The following ERC1 variants were observed in gnomAD, a reference collection of about 807,000 sequenced individuals.
ERC1 encodes RAB6 interacting protein 2.
In ERC1, 56 loss-of-function variants were observed where a neutral mutation model predicts 132.0. The ratio of observed to expected loss-of-function variants is 0.42; its 90% CI spans 0.34 to 0.53. ERC1 has a LOEUF of 0.53. Ranked by LOEUF, ERC1 falls within the 20% of genes least tolerant of loss-of-function variation. ERC1 has a pLI of 0.03. For missense variants in ERC1, 1,202 were observed against 1,349.9 expected (o/e 0.89, Z 1.72); for synonymous variants, 478 against 476.1 (o/e 1.00, Z -0.05).
chr12:1,138,684 G>A (rs1949590594), intron 7 of ERC1, among the ~76,000 whole-genome samples: 1 of 152,066 alleles, frequency 6.6e-6, no homozygotes, highest in Non-Finnish European at 1.5e-5. Context: ...AAGAAGGAAA[G>A]TATAGTATTT....
intron 16 of ERC1, among the ~76,000 whole-genome samples, chr12:1,399,480 A>G (rs1389005385): frequency 6.6e-6 from 1 of 152,174 alleles, no homozygotes; most frequent in Non-Finnish European, 1.5e-5. Context: ...CGCTTTTTAT[A>G]TATTAAATAC....
intron 3 of ERC1, among the ~76,000 whole-genome samples, chr12:1,093,907 A>G (rs1014605360): frequency 7.2e-6 from 1 of 139,440 alleles, no homozygotes; most frequent in Non-Finnish European, 1.5e-5. Flanking sequence ...ATAAATATAT[A>G]TTTTTCTATA....
intron 2 of ERC1, among the ~76,000 whole-genome samples, chr12:1,053,995 CA>C (rs1418762901): frequency 6.6e-6 from 1 of 151,896 alleles, no homozygotes; most frequent in Non-Finnish European, 1.5e-5. Context: ...CAAGTGTTTG[CA>C]GTAATTAGGA....
chr12:1,106,626 T>C (rs1945294365), intron 4 of ERC1, among the ~76,000 whole-genome samples: 2 of 152,190 alleles, frequency 1.3e-5, no homozygotes, highest in South Asian at 4.1e-4. Context: ...ATTGGTAGTC[T>C]TGAGTATAAT....
intron 16 of ERC1, among the ~76,000 whole-genome samples, chr12:1,379,601 G>A (rs991807400): frequency 6.6e-6 from 1 of 152,150 alleles, no homozygotes; most frequent in Admixed American, 6.5e-5. Flanking sequence ...ACCCTTAACT[G>A]AGTGGCTTAA....
At chr12:1,081,647 T>G (rs1039130066) in intron 2 of ERC1, among the ~76,000 whole-genome samples, 14 of 152,212 alleles carry the variant, frequency 9.2e-5, no homozygotes, top group Non-Finnish European at 1.8e-4. Context: ...GTTGGGTATC[T>G]AAAATAGTCA....
chr12:1,160,546 C>T (rs1951792559), intron 8 of ERC1, among the ~76,000 whole-genome samples: 1 of 152,030 alleles, frequency 6.6e-6, no homozygotes, highest in Non-Finnish European at 1.5e-5. Flanking sequence ...CCTGTCTCTA[C>T]TAAAAATACA....
chr12:1,016,418 T>C (rs1421136560), intron 1 of ERC1, among the ~76,000 whole-genome samples: 2 of 152,226 alleles, frequency 1.3e-5, no homozygotes, highest in African/African-American at 2.4e-5. Context: ...TTCTAATCTA[T>C]GAGGAGAGTG....
intron 12 of ERC1, among the ~76,000 whole-genome samples, chr12:1,215,467 G>A (rs1274371794): frequency 6.6e-6 from 1 of 152,004 alleles, no homozygotes; most frequent in African/African-American, 2.4e-5. Flanking sequence ...TATGTCTTTT[G>A]GTTTGAATTG....
chr12:1,126,986 C>CAAAA lies in ERC1; in HGVS notation c.1569+10977_1569+10980dup, dbSNP rs71055135. On this transcript the variant is annotated intron_variant, in intron 7 of 18. Transcript: ENST00000360905. ...CTGGCGACAGAGTGAGATTCTGTCT[C>CAAAA]AAAAAAAAAAAAAAAAAAAAAAAAA... 1.5e-4 allele frequency among the ~76,000 whole-genome samples: 17 copies of CAAAA among 114,184 alleles called. 1 individual carries two copies. Among genetic ancestry groups the CAAAA allele is most frequent in the African/African-American group, 2.6e-4 (6 of 23,376 alleles). 74.9% of individuals were successfully genotyped at this position (114,184 alleles called of 152,430 possible).
intron 16 of ERC1, among the ~76,000 whole-genome samples, chr12:1,389,587 A>G (rs1214888738): frequency 1.3e-5 from 2 of 152,002 alleles, no homozygotes; most frequent in Non-Finnish European, 2.9e-5. Flanking sequence ...CCTTTTTTTC[A>G]TGTCTTACAT....
Position 1,275,368 on chromosome 12 carries a change from G to A in ERC1, c.2619+12203G>A, listed in dbSNP as rs556049084. Among the ~76,000 whole-genome samples the A allele has an allele frequency of 2.6e-5, 4 of 152,104 alleles. No homozygotes were observed. In the South Asian group the frequency reaches 6.2e-4, roughly 24 times the overall value. ...CTGGGCGTGGTGGTGCACGCCTGTA[G>A]TCCCAGCTACTCAGGAGGCTGAGGC... On this transcript the variant is annotated intron_variant, in intron 14 of 18. Transcript: ENST00000360905.
At chr12:1,484,042 A>G (rs1420125649) in intron 18 of ERC1, among the ~76,000 whole-genome samples, 1 of 148,572 alleles carries the variant, frequency 6.7e-6, no homozygotes, top group Non-Finnish European at 1.5e-5. Flanking sequence ...GTGGTGGCTC[A>G]CGCCTGTAAT....
chr12:1,146,909 T>C (rs761288879), intron 8 of ERC1, among the ~76,000 whole-genome samples: 38 of 152,240 alleles, frequency 2.5e-4, no homozygotes, highest in Admixed American at 4.6e-4. Flanking sequence ...TTGCTGACAA[T>C]GATGGTTTCC....
At chr12:1,395,988 A>G (rs2090512522) in intron 16 of ERC1, among the ~76,000 whole-genome samples, 1 of 152,110 alleles carries the variant, frequency 6.6e-6, no homozygotes, top group Admixed American at 6.5e-5. Context: ...CATAATCAAC[A>G]ATTTTCCTTT....
chr12:1,002,000 A>C (rs1962430845), intron 1 of ERC1, among the ~76,000 whole-genome samples: 1 of 151,014 alleles, frequency 6.6e-6, no homozygotes, highest in African/African-American at 2.4e-5. Context: ...AGCTGGGATT[A>C]CAGGTGCCCA....
chr12:1,336,975 T>A lies in ERC1; in HGVS notation c.2781-34858T>A, dbSNP rs1244449920. On this transcript the variant is annotated intron_variant, in intron 15 of 18. Transcript: ENST00000360905. ...AGCATGCTGGCTATTTTGTTCTGTT[T>A]TGTTTTGTTTTTGTATTTTTGGTAG... 2.6e-5 allele frequency among the ~76,000 whole-genome samples: 4 copies of A among 152,156 alleles called. No homozygotes were observed. In the East Asian group the frequency reaches 7.7e-4, roughly 29 times the overall value.
At chr12:1,440,419 G>T (rs539098495) in intron 17 of ERC1, among the ~76,000 whole-genome samples, 1 of 150,328 alleles carries the variant, frequency 6.7e-6, no homozygotes, top group East Asian at 2.0e-4. Context: ...TGTTAGCCAG[G>T]ATGGTCTCGA....
chr12:1,304,486 G>A (rs2080681831), intron 15 of ERC1, among the ~76,000 whole-genome samples: 2 of 152,194 alleles, frequency 1.3e-5, no homozygotes, highest in South Asian at 2.1e-4. Context: ...CTACCTCTGA[G>A]GTTTAGAGAT....
Sources: gnomAD v4.1 joint callset for allele counts (sites outside exome capture counted in the v4.1 genomes callset) on GRCh38, gnomAD v4.1.1 for gene constraint, MANE v1.5 for transcripts, NCBI Gene and HGNC (gene_info 2026-07-23, HGNC 2026-07-21) for gene names.